The following SLC35F4 variants were observed in gnomAD, a reference collection of about 807,000 sequenced individuals.
SLC35F4 encodes chromosome 14 open reading frame 36.
A neutral mutation model predicts 44.2 loss-of-function variants in SLC35F4; 24 were observed. That is an observed-to-expected ratio of 0.54 (90% confidence interval 0.39 to 0.76). The LOEUF is 0.76. SLC35F4 is among the 30% of genes least tolerant of loss of function. The probability of loss-of-function intolerance (pLI) is 0.00; values close to 1 mark genes in which losing one functional copy is unlikely to be tolerated. For missense variants in SLC35F4, 562 were observed against 586.1 expected, an observed-to-expected ratio of 0.96 and a Z score of 0.42; for synonymous variants, 238 against 223.6, an observed-to-expected ratio of 1.06 and a Z score of -0.57.
intron 1 of SLC35F4, among the ~76,000 whole-genome samples, chr14:57,946,026 C>G (rs1566509528): frequency 6.6e-6 from 1 of 151,988 alleles, no homozygotes; most frequent in Non-Finnish European, 1.5e-5. Context: ...GGATATTAGT[C>G]CTTTGTTGGA....
intron 1 of SLC35F4, among the ~76,000 whole-genome samples, chr14:57,845,857 G>A (rs1036352709): frequency 6.6e-6 from 1 of 152,020 alleles, no homozygotes; most frequent in African/African-American, 2.4e-5. Flanking sequence ...AAAGTCAAAG[G>A]GCATATCCCC....
At chr14:57,728,677 A>G (rs1056272600) in intron 1 of SLC35F4, among the ~76,000 whole-genome samples, 3 of 151,858 alleles carry the variant, frequency 2.0e-5, no homozygotes, top group Admixed American at 2.0e-4. Flanking sequence ...CTCAGGGGGA[A>G]GTCTCAAATG....
At chr14:57,652,391 T>C (rs757789440) in intron 1 of SLC35F4, among the ~76,000 whole-genome samples, 1 of 152,218 alleles carries the variant, frequency 6.6e-6, no homozygotes, top group Non-Finnish European at 1.5e-5. Context: ...CCAACCATCA[T>C]GGGTCCTCAT....
At chr14:57,586,775 A>G (rs2069769350) in intron 3 of SLC35F4, among the ~76,000 whole-genome samples, 1 of 150,332 alleles carries the variant, frequency 6.7e-6, no homozygotes. Context: ...ACCAAAAGCA[A>G]TGGCAACAAA....
At chr14:57,718,710 G>C (rs1169067274) in intron 1 of SLC35F4, among the ~76,000 whole-genome samples, 1 of 152,026 alleles carries the variant, frequency 6.6e-6, no homozygotes, top group Non-Finnish European at 1.5e-5. Context: ...TTCCTATAGA[G>C]TTGTTTGAGC....
At chr14:57,669,522 T>A (rs2074438092) in intron 1 of SLC35F4, among the ~76,000 whole-genome samples, 2 of 152,114 alleles carry the variant, frequency 1.3e-5, no homozygotes, top group African/African-American at 4.8e-5. Flanking sequence ...CCTAATTTAT[T>A]GAGATTTTTT....
chr14:57,760,600 T>C (rs142811966), intron 1 of SLC35F4, among the ~76,000 whole-genome samples: 91 of 152,336 alleles, frequency 6.0e-4, no homozygotes, highest in African/African-American at 2.0e-3. Flanking sequence ...TTCTGAGACA[T>C]AGTTCAGGTG....
At chr14:57,828,085 T>C (rs999469788) in intron 1 of SLC35F4, among the ~76,000 whole-genome samples, 1 of 152,124 alleles carries the variant, frequency 6.6e-6, no homozygotes, top group Non-Finnish European at 1.5e-5. Context: ...ATATAGCTGC[T>C]CACCAACAAG....
chr14:57,794,119 T>G (rs2077996441), intron 1 of SLC35F4, among the ~76,000 whole-genome samples: 1 of 152,158 alleles, frequency 6.6e-6, no homozygotes, highest in African/African-American at 2.4e-5. Flanking sequence ...GAAGAAAACC[T>G]AGGGAAAACT....
intron 1 of SLC35F4, among the ~76,000 whole-genome samples, chr14:57,951,372 C>G (rs1194794017): frequency 6.6e-6 from 1 of 152,168 alleles, no homozygotes; most frequent in Non-Finnish European, 1.5e-5. Flanking sequence ...TTTGGGCAGA[C>G]ACCGAGCTAG....
intron 5 of SLC35F4, 119 bp downstream of exon 5, chr14:57,571,775 C>A (rs1346061109): frequency 7.4e-7 from 1 of 1,356,566 alleles, no homozygotes; most frequent in African/African-American, 1.5e-5. Context: ...AATTTACTTA[C>A]TATTATTTCA....
intron 1 of SLC35F4, among the ~76,000 whole-genome samples, chr14:57,656,837 A>G (rs1423858777): frequency 6.6e-6 from 1 of 152,088 alleles, no homozygotes; most frequent in Non-Finnish European, 1.5e-5. Context: ...AATTCCCCCA[A>G]CAAGAATTTT....
chr14:57,818,716 G>A (rs1882866898), intron 1 of SLC35F4, among the ~76,000 whole-genome samples: 1 of 152,186 alleles, frequency 6.6e-6, no homozygotes, highest in Admixed American at 6.5e-5. Flanking sequence ...AAACAACTTA[G>A]AACTGCTTAA....
chr14:57,965,647 A>G (rs1245521635), intron 1 of SLC35F4, among the ~76,000 whole-genome samples: 1 of 152,214 alleles, frequency 6.6e-6, no homozygotes, highest in Admixed American at 6.5e-5. Context: ...TGAGCTCCTG[A>G]GGCTTTGGCC....
chr14:57,868,939 T>G (rs1276161907), upstream of SLC35F4, among the ~76,000 whole-genome samples: 4 of 152,216 alleles, frequency 2.6e-5, no homozygotes, highest in African/African-American at 9.7e-5. Context: ...CATTATTTGA[T>G]TCATAAAATA....
intron 1 of SLC35F4, among the ~76,000 whole-genome samples, chr14:57,826,466 G>C (rs1883780290): frequency 6.6e-6 from 1 of 152,142 alleles, no homozygotes; most frequent in Non-Finnish European, 1.5e-5. Context: ...AAGATTTCAT[G>C]ATGAAAATGC....
At chr14:57,644,457 A>T (rs1641386128) in intron 1 of SLC35F4, among the ~76,000 whole-genome samples, 3 of 100,744 alleles carry the variant, frequency 3.0e-5, no homozygotes, top group Admixed American at 1.0e-4. Context: ...CCACTTTTTG[A>T]TGGGTTTTTT....
intron 3 of SLC35F4, among the ~76,000 whole-genome samples, chr14:57,581,881 C>T (rs1350169182): frequency 6.6e-6 from 1 of 152,200 alleles, no homozygotes; most frequent in Non-Finnish European, 1.5e-5. Context: ...GTGCAGCACA[C>T]ATGTTTTTGG....
chr14:57,700,614 T>A, intron 1 of SLC35F4, among the ~76,000 whole-genome samples: 1 of 152,080 alleles, frequency 6.6e-6, no homozygotes, highest in East Asian at 1.9e-4. Context: ...TACAAAAACA[T>A]TTTCAGGCCA....
Sources: allele counts gnomAD v4.1 joint callset (sites outside exome capture counted in the v4.1 genomes callset), GRCh38; gene constraint gnomAD v4.1.1; transcripts MANE v1.5; gene names NCBI Gene and HGNC (gene_info 2026-07-23, HGNC 2026-07-21).